Variants in MEI4 observed in about 807,000 individuals in gnomAD.
MEI4 encodes meiotic double-stranded break formation protein 4.
Under a neutral mutation model 31.4 loss-of-function variants are expected in MEI4, and 27 were observed. The observed-to-expected ratio is 0.86, with a 90% CI of 0.63 to 1.19. The LOEUF (loss-of-function observed/expected upper bound fraction) is 1.19. Among genes scored for constraint, MEI4 ranks in the 50% most tolerant of loss-of-function variants. MEI4 has a pLI of 0.00. For missense variants in MEI4, 329 were observed against 398.9 expected (o/e 0.82, Z 1.49); for synonymous variants, 122 against 145.4 (o/e 0.84, Z 1.16).
intron 2 of MEI4, among the ~76,000 whole-genome samples, chr6:77,744,119 G>A (rs1308863627): frequency 6.6e-6 from 1 of 152,232 alleles, no homozygotes; most frequent in African/African-American, 2.4e-5. Context: ...GCTGGATGGA[G>A]AATGACTTTG....
chr6:77,801,583 G>A (rs1465405243), intron 3 of MEI4, among the ~76,000 whole-genome samples: 1 of 152,072 alleles, frequency 6.6e-6, no homozygotes, highest in Non-Finnish European at 1.5e-5. Context: ...TGATGTTAGG[G>A]TGTCAATTTT....
chr6:77,805,173 G>T (rs1346614639), intron 3 of MEI4, among the ~76,000 whole-genome samples: 1 of 152,036 alleles, frequency 6.6e-6, no homozygotes, highest in Non-Finnish European at 1.5e-5. Context: ...GTAAAAATAT[G>T]ATAAAACCTA....
rs551026714 is a variant in MEI4 at position 77,866,212 on chromosome 6, G to A, written c.900+37150G>A. On this transcript the variant is annotated intron_variant, in intron 4 of 4. Coordinates refer to ENST00000684080, the MANE Select transcript of MEI4 (RefSeq NM_001322247.2). ...TCTCACCACTCCTATTCAACATAGTGTTGGAAGTTCTGGCCAGGGCAATTA... is the reference window on the plus strand; with the variant it reads ...TCTCACCACTCCTATTCAACATAGTATTGGAAGTTCTGGCCAGGGCAATTA... 6.8e-3 allele frequency among the ~76,000 whole-genome samples: 1,036 copies of A among 151,808 alleles called. 10 individuals are homozygous for A. Among genetic ancestry groups the A allele is most frequent in the African/African-American group, 0.024 (987 of 41,198 alleles).
intron 4 of MEI4, among the ~76,000 whole-genome samples, chr6:77,896,581 G>T (rs1245457643): frequency 6.6e-6 from 1 of 151,902 alleles, no homozygotes; most frequent in Non-Finnish European, 1.5e-5. Context: ...TTGGTTGATT[G>T]GACCTTTTTT....
chr6:77,745,009 A>T (rs1024074271), intron 2 of MEI4, among the ~76,000 whole-genome samples: 2 of 152,252 alleles, frequency 1.3e-5, no homozygotes, highest in Non-Finnish European at 2.9e-5. Context: ...CAGCCACTGC[A>T]AAATCATGCG....
At chr6:77,887,918 T>C (rs1018449558) in intron 4 of MEI4, among the ~76,000 whole-genome samples, 14 of 152,320 alleles carry the variant, frequency 9.2e-5, no homozygotes, top group African/African-American at 3.4e-4. Context: ...TTAGATCTAT[T>C]GGTATTGCTT....
chr6:77,745,217 G>A (rs1767560126), intron 2 of MEI4, among the ~76,000 whole-genome samples: 1 of 152,150 alleles, frequency 6.6e-6, no homozygotes, highest in South Asian at 2.1e-4. Context: ...GCTATATTCA[G>A]TAAACCCATC....
intron 4 of MEI4, among the ~76,000 whole-genome samples, chr6:77,872,599 CTTTAAG>C (rs1771222692): frequency 6.6e-6 from 1 of 151,070 alleles, no homozygotes; most frequent in South Asian, 2.1e-4. Flanking sequence ...TATTATTATA[CTTTAAG>C]TTTTAGGGTA....
chr6:77,759,772 T>C (rs1020882857), intron 2 of MEI4, among the ~76,000 whole-genome samples: 1 of 152,174 alleles, frequency 6.6e-6, no homozygotes, highest in Non-Finnish European at 1.5e-5. Flanking sequence ...TTGGGACTAA[T>C]AGAGGTGCTT....
chr6:77,898,063 T>G (rs1386082197), intron 4 of MEI4, among the ~76,000 whole-genome samples: 1 of 152,066 alleles, frequency 6.6e-6, no homozygotes, highest in Non-Finnish European at 1.5e-5. Context: ...TGTGATTTTT[T>G]GACTCTGTTC....
At chr6:77,776,585 CT>C (rs1269506268) in intron 3 of MEI4, among the ~76,000 whole-genome samples, 1 of 152,098 alleles carries the variant, frequency 6.6e-6, no homozygotes, top group Non-Finnish European at 1.5e-5. Context: ...AAAACTGGAA[CT>C]CTTACAGTTA....
chr6:77,754,957 G>C (rs889821117), intron 2 of MEI4, among the ~76,000 whole-genome samples: 11 of 152,100 alleles, frequency 7.2e-5, no homozygotes, highest in African/African-American at 2.4e-4. Context: ...GATTTAAATG[G>C]GGACACAGAA....
At chr6:77,660,223 G>A (rs1768478457) in intron 1 of MEI4, among the ~76,000 whole-genome samples, 1 of 152,136 alleles carries the variant, frequency 6.6e-6, no homozygotes, top group South Asian at 2.1e-4. Flanking sequence ...AGGAGAGAAT[G>A]GGTAAAGTTG....
chr6:77,742,941 C>T (rs895941155), intron 2 of MEI4, among the ~76,000 whole-genome samples: 6 of 152,058 alleles, frequency 3.9e-5, no homozygotes, highest in East Asian at 3.9e-4. Flanking sequence ...AGATATGCGG[C>T]GTTATTTCTT....
intron 4 of MEI4, among the ~76,000 whole-genome samples, chr6:77,856,644 TAC>T (rs1185771275): frequency 6.6e-6 from 1 of 152,206 alleles, no homozygotes; most frequent in African/African-American, 2.4e-5. Flanking sequence ...CTCTCAGGGC[TAC>T]AGAGTGTAAA....
At chr6:77,711,139 G>A (rs1321471185) in intron 2 of MEI4, among the ~76,000 whole-genome samples, 1 of 152,120 alleles carries the variant, frequency 6.6e-6, no homozygotes, top group Non-Finnish European at 1.5e-5. Flanking sequence ...AAGGGTTTCA[G>A]TTAGGATGAA....
At position 77,698,931 on chromosome 6, in the gene MEI4, A is replaced by G. The variant is rs538926962; in HGVS notation, c.232+8028A>G. ...AATCAGACGTAGATTTGGTCTTTTC[A>G]CATAGTCCCATATTTCTTGGAGGCT... On this transcript the variant is annotated intron_variant, in intron 2 of 4. Coordinates refer to ENST00000684080, the MANE Select transcript of MEI4 (RefSeq NM_001322247.2). Among the ~76,000 whole-genome samples the G allele has an allele frequency of 4.9e-4, 74 of 152,124 alleles. No homozygotes were observed. In the East Asian group the frequency reaches 8.3e-3, roughly 17 times the overall value.
chr6:77,882,738 G>A (rs1010694653), intron 4 of MEI4, among the ~76,000 whole-genome samples: 20 of 152,102 alleles, frequency 1.3e-4, no homozygotes, highest in Non-Finnish European at 2.6e-4. Context: ...ATTACCAGAT[G>A]CTTGACATTT....
chr6:77,669,598 G>A (rs912369170), intron 1 of MEI4, among the ~76,000 whole-genome samples: 1 of 147,778 alleles, frequency 6.8e-6, no homozygotes, highest in Non-Finnish European at 1.5e-5. Context: ...CTGAGTAAAA[G>A]AGTAAAAGCA....
Sources: gnomAD v4.1 joint callset for allele counts (sites outside exome capture counted in the v4.1 genomes callset) on GRCh38, gnomAD v4.1.1 for gene constraint, MANE v1.5 for transcripts, NCBI Gene and HGNC (gene_info 2026-07-23, HGNC 2026-07-21) for gene names.